The following KNDC1 variants were observed in gnomAD, a reference collection of about 807,000 sequenced individuals.
The protein encoded by KNDC1 is kinase non-catalytic C-lobe domain-containing protein 1.
KNDC1 carries 106 observed loss-of-function variants against 172.8 expected under a neutral mutation model. The ratio of observed to expected loss-of-function variants is 0.61; its 90% CI spans 0.52 to 0.72. The LOEUF (loss-of-function observed/expected upper bound fraction) is 0.72, where lower values mean the gene tolerates loss of function less well. KNDC1 is among the 30% of genes least tolerant of loss of function. The pLI is 0.00. For missense variants in KNDC1, 2,325 were observed against 2,394.5 expected (o/e 0.97, Z 0.61); for synonymous variants, 1,083 against 1,062.2 (o/e 1.02, Z -0.38).
rs370128193 is a variant in KNDC1 at position 133,193,628 on chromosome 10, T to C, written c.1576-2035T>C. Among the ~76,000 whole-genome samples the C allele has an allele frequency of 2.3e-4, 35 of 152,248 alleles. No homozygotes were observed. In the East Asian group the frequency reaches 4.0e-3, roughly 18 times the overall value. On this transcript the variant is annotated intron_variant, in intron 9 of 29. Coordinates refer to ENST00000304613, the MANE Select transcript of KNDC1 (RefSeq NM_152643.8). The stretch of plus-strand genomic sequence containing the variant: ...GGAAGAGAAGAAGAAAGGAAGAAGA[T>C]TGACAGAGTAATGTTTAGAAACATG...
rs1845681499 is a variant in KNDC1, at chr10:133,224,567, A to C, written c.5019-92A>C. Reference sequence around the variant, plus strand: ...TTACACGGTGAAAAGATTTAGTCCAAATGATTCCTAAGAACGCGGGGGGAC... The same window carrying C: ...TTACACGGTGAAAAGATTTAGTCCACATGATTCCTAAGAACGCGGGGGGAC... On this transcript the variant is annotated intron_variant, in intron 29 of 29. Transcript: ENST00000304613. This position sits in a 1 kb window ranked among gnomAD's most constrained non-coding sequence, Gnocchi z 5.4. The C allele has an allele frequency of 9.1e-6, 8 of 876,752 alleles. No individual in the cohort carries two copies. Among genetic ancestry groups the C allele is most frequent in the Non-Finnish European group, 1.4e-5 (8 of 561,470 alleles). The allele number at this position is 876,752 out of a possible 1,614,324, so 54.3% of individuals were successfully genotyped here. A position where few individuals can be genotyped will look rare whatever the true frequency, so the allele number is the denominator to read the frequency against.
chr10:133,186,328 G>A lies in KNDC1; in HGVS notation c.980G>A (p.Gly327Glu). 3.1e-6 allele frequency: 5 copies of A among 1,612,630 alleles called. No individual in the cohort carries two copies. The highest frequency in any genetic ancestry group is 4.2e-6 in the Non-Finnish European group (5 of 1,179,926). The part of the protein sequence containing the change: ...EATLCLPLTR[G>E]KSQLPISELF... ...ACCCTCTGCCTGCCGCTGACCCGCGGGAAAAGCCAGCTGCCCATATCGGAA... is the reference window on the plus strand; with the variant it reads ...ACCCTCTGCCTGCCGCTGACCCGCGAGAAAAGCCAGCTGCCCATATCGGAA... Residue 327 changes from glycine to glutamate, a missense_variant, in exon 6 of 30, where the codon GGG (glycine) becomes GAG (glutamate). Physicochemically the swap from Gly to Glu is moderately conservative, Grantham distance 98 (BLOSUM62 -2). Coordinates refer to ENST00000304613, the MANE Select transcript of KNDC1 (RefSeq NM_152643.8).
chr10:133,205,226 C>T (rs547956287), intron 17 of KNDC1, among the ~76,000 whole-genome samples: 139 of 152,336 alleles, frequency 9.1e-4, no homozygotes, highest in Non-Finnish European at 1.7e-3. Context: ...GAGGGCTGCC[C>T]GGCCAGGCGT....
chr10:133,177,517 T>G (rs1341430919), intron 3 of KNDC1, among the ~76,000 whole-genome samples: 1 of 136,572 alleles, frequency 7.3e-6, no homozygotes, highest in East Asian at 2.3e-4. Flanking sequence ...ATGTGTGTAA[T>G]GTGTGTGCAT....
At chr10:133,203,925 G>A (rs925631129) in intron 17 of KNDC1, among the ~76,000 whole-genome samples, 1 of 152,244 alleles carries the variant, frequency 6.6e-6, no homozygotes, top group African/African-American at 2.4e-5. Context: ...AGAGGAGTCT[G>A]CGTGAGCTGC....
chr10:133,175,645 TGATGGGTGGATA>T (rs1853514204), intron 3 of KNDC1, among the ~76,000 whole-genome samples: 1 of 125,024 alleles, frequency 8.0e-6, no homozygotes, highest in Non-Finnish European at 1.7e-5. Flanking sequence ...GTGTATGAAT[TGATGGGTGGATA>T]GATGGGTGGA....
At chr10:133,212,228 G>A (rs537476310) in intron 23 of KNDC1, among the ~76,000 whole-genome samples, 8 of 150,412 alleles carry the variant, frequency 5.3e-5, no homozygotes, top group East Asian at 2.0e-4. Flanking sequence ...ACACCTACAC[G>A]TGTGCACCCT....
intron 5 of KNDC1, among the ~76,000 whole-genome samples, chr10:133,185,428 A>T (rs1853867901): frequency 7.0e-6 from 1 of 143,336 alleles, no homozygotes; most frequent in Non-Finnish European, 1.5e-5. Flanking sequence ...TGGAGTAGGC[A>T]GTGTGTGCAG....
chr10:133,219,943 C>G lies in KNDC1; in HGVS notation c.4861-12C>G. 6.5e-7 allele frequency: 1 copy of G among 1,547,274 alleles called. No individual in the cohort carries two copies. Among genetic ancestry groups the G allele is most frequent in the Non-Finnish European group, 8.7e-7 (1 of 1,144,650 alleles). On this transcript the variant is annotated splice_polypyrimidine_tract_variant and intron_variant, in intron 28 of 29. Transcript: ENST00000304613. ...TGTCTCTCCCCGGCCCACGCCCCGG[C>G]TGGACCACCAGGTCTTCCTGAAGAG...
At chr10:133,193,750 G>A (rs1854119539) in intron 9 of KNDC1, among the ~76,000 whole-genome samples, 1 of 152,182 alleles carries the variant, frequency 6.6e-6, no homozygotes, top group Admixed American at 6.5e-5. Flanking sequence ...TTATGAAAAT[G>A]ATAAAAAGAA....
intron 16 of KNDC1, among the ~76,000 whole-genome samples, 192 bp from the exon 17 acceptor site, chr10:133,201,309 G>A (rs567546960): frequency 4.6e-5 from 7 of 152,166 alleles, no homozygotes; most frequent in Non-Finnish European, 5.9e-5. Context: ...CCGGCCCCGT[G>A]CGGCAGTTCA....
chr10:133,182,519 CT>C (rs1298013952), intron 3 of KNDC1, among the ~76,000 whole-genome samples: 1 of 152,234 alleles, frequency 6.6e-6, no homozygotes, highest in East Asian at 1.9e-4. Flanking sequence ...GCTCTGCGTT[CT>C]GCTTCCTCTT....
intron 3 of KNDC1, among the ~76,000 whole-genome samples, chr10:133,178,449 G>A (rs76420680): frequency 0.026 from 4,012 of 152,232 alleles, 58 homozygotes; most frequent in Middle Eastern, 0.034. Flanking sequence ...CAAGGAATAG[G>A]CTTTCCACCC....
At chr10:133,222,491 G>GCA (rs1491576359) in intron 29 of KNDC1, among the ~76,000 whole-genome samples, 11 of 23,598 alleles carry the variant, frequency 4.7e-4, no homozygotes, top group African/African-American at 5.9e-4. Flanking sequence ...GCTCTTCCCG[G>GCA]TGTGTGTGTG....
At chr10:133,165,315 C>A (rs1398179291) in intron 1 of KNDC1, among the ~76,000 whole-genome samples, 1 of 152,224 alleles carries the variant, frequency 6.6e-6, no homozygotes, top group Non-Finnish European at 1.5e-5. Flanking sequence ...CAGGCATCTC[C>A]CCTCCAGGTC....
At chr10:133,202,522 C>G in intron 17 of KNDC1, 1 of 433,084 alleles carries the variant, frequency 2.3e-6, no homozygotes, top group South Asian at 1.7e-5. Context: ...TTCTCGAGAG[C>G]CCCGGGACTC....
rs1564869714 is a variant in KNDC1 at position 133,163,928 on chromosome 10, A to ACACAATTGCAAAGTGGGGACCAGTCTTT, written c.102+3360_102+3361insACAATTGCAAAGTGGGGACCAGTCTTTC. ...TGGGATGGGGGTGGAGTTCGTGGCC[A>ACACAATTGCAAAGTGGGGACCAGTCTTT]CCTGCCTTCCCAAATCCCTCCTCCC... On this transcript the variant is annotated intron_variant, in intron 1 of 29. Transcript: ENST00000304613. This position sits in a 1 kb window ranked among gnomAD's most constrained non-coding sequence, Gnocchi z 4.4. Among the ~76,000 whole-genome samples the ACACAATTGCAAAGTGGGGACCAGTCTTT allele has an allele frequency of 0.014, 1,877 of 134,418 alleles. 345 individuals carry two copies. Among genetic ancestry groups the ACACAATTGCAAAGTGGGGACCAGTCTTT allele is most frequent in the Middle Eastern group, 0.019 (5 of 260 alleles). The allele number at this position is 134,418 out of a possible 152,430, so 88.2% of individuals were successfully genotyped here.
At chr10:133,210,803 C>A in intron 21 of KNDC1, 79 bp downstream of exon 21, 4 of 1,196,862 alleles carry the variant, frequency 3.3e-6, no homozygotes, top group Middle Eastern at 1.9e-4. Context: ...GGTTTAGCCA[C>A]CATGAAGAAC....
At position 133,196,572 on chromosome 10, in the gene KNDC1, C is replaced by T. The variant is rs111666943; in HGVS notation, c.1735-486C>T. 6.6e-5 allele frequency among the ~76,000 whole-genome samples: 10 copies of T among 152,318 alleles called. 1 individual carries two copies. The highest frequency in any genetic ancestry group is 1.7e-4 in the African/African-American group (7 of 41,560). ...GGGCGGGTTGCTCAGACCCTGTGGG[C>T]CTCTCAGGCCTCCTCTGCTGCAGGA... On this transcript the variant is annotated intron_variant, in intron 10 of 29. Coordinates refer to ENST00000304613, the MANE Select transcript of KNDC1 (RefSeq NM_152643.8).
Sources: gnomAD v4.1 joint callset for allele counts (sites outside exome capture counted in the v4.1 genomes callset) on GRCh38, gnomAD v4.1.1 for gene constraint, Gnocchi (gnomAD v3.1) non-coding constraint, MANE v1.5 for transcripts, NCBI Gene and HGNC (gene_info 2026-07-23, HGNC 2026-07-21) for gene names.